PRKCB: variants seen among roughly 807,000 people sequenced by gnomAD.
The protein encoded by PRKCB is protein kinase C beta type.
Under a neutral mutation model 81.5 loss-of-function variants are expected in PRKCB, and 13 were observed. The ratio of observed to expected loss-of-function variants is 0.16; its 90% CI spans 0.10 to 0.25. PRKCB has a LOEUF of 0.25. Among genes scored for constraint, PRKCB ranks in the 10% least tolerant of loss-of-function variants. The pLI is 1.00. For missense variants in PRKCB, 509 were observed against 875.7 expected, an observed-to-expected ratio of 0.58 and a Z score of 5.29; for synonymous variants, 335 against 321.4, an observed-to-expected ratio of 1.04 and a Z score of -0.45.
intron 2 of PRKCB, among the ~76,000 whole-genome samples, chr16:23,884,054 A>T (rs1963162982): frequency 6.6e-6 from 1 of 152,238 alleles, no homozygotes; most frequent in African/African-American, 2.4e-5. Context: ...AACATTTGAT[A>T]TGTATTTTAC....
At chr16:23,884,749 C>A (rs1288045189) in intron 2 of PRKCB, among the ~76,000 whole-genome samples, 1 of 152,104 alleles carries the variant, frequency 6.6e-6, no homozygotes. Context: ...CTGTGTTGCC[C>A]AGACTGGTCT....
intron 9 of PRKCB, among the ~76,000 whole-genome samples, chr16:24,138,576 G>A (rs1340203177): frequency 6.6e-6 from 1 of 151,820 alleles, no homozygotes; most frequent in African/African-American, 2.4e-5. Flanking sequence ...TGGCATTTCT[G>A]TTCTTTTGTG....
intron 2 of PRKCB, among the ~76,000 whole-genome samples, chr16:23,928,489 C>T (rs889371012): frequency 1.3e-5 from 2 of 152,058 alleles, no homozygotes; most frequent in African/African-American, 4.8e-5. Context: ...AGTCGGGGAC[C>T]CTCTGATGAA....
intron 2 of PRKCB, among the ~76,000 whole-genome samples, chr16:23,930,531 C>T (rs981394292): frequency 6.0e-5 from 9 of 151,148 alleles, no homozygotes; most frequent in African/African-American, 2.2e-4. Flanking sequence ...TTCATGCCAC[C>T]ACACTTCAGC....
intron 3 of PRKCB, among the ~76,000 whole-genome samples, chr16:24,010,451 T>G (rs913085593): frequency 1.3e-5 from 2 of 152,138 alleles, no homozygotes; most frequent in Admixed American, 6.5e-5. Context: ...GGACTGTCAG[T>G]GGAAGGTCTC....
intron 10 of PRKCB, among the ~76,000 whole-genome samples, chr16:24,163,369 A>G (rs1319718924): frequency 1.3e-5 from 2 of 152,228 alleles, no homozygotes; most frequent in African/African-American, 4.8e-5. Flanking sequence ...GCTTTAGCCA[A>G]CTAAAGCCAT....
In PRKCB at chr16:24,040,580, G is replaced by A. The variant is rs111550673; in HGVS notation, c.529+5033G>A. Among the ~76,000 whole-genome samples, 35 of 152,240 alleles carry A rather than the reference G, an allele frequency of 2.3e-4. No homozygotes were observed. The East Asian group carries it at 5.2e-3, about 23-fold the overall frequency. On this transcript the variant is annotated intron_variant, in intron 5 of 16. Coordinates refer to ENST00000643927, the MANE Select transcript of PRKCB (RefSeq NM_002738.7). ...CTCCATGAGGGCGGGACTGTGTCTTGCCACTCTACTCCCAGCACCTAGCAA... is the reference window on the plus strand; with the variant it reads ...CTCCATGAGGGCGGGACTGTGTCTTACCACTCTACTCCCAGCACCTAGCAA...
In PRKCB at chr16:23,923,931, C is replaced by G. The variant is rs117468671; in HGVS notation, c.206-64577C>G. Among the ~76,000 whole-genome samples the G allele has an allele frequency of 5.3e-3, 801 of 152,146 alleles. 17 individuals are homozygous for G. The highest frequency in any genetic ancestry group is 0.01 in the Middle Eastern group (3 of 294). ...AGGGAGGAAAATGATTGGCAAGTCT[C>G]GTATTGGTCCTTGAAGCGCTCCCTA... On this transcript the variant is annotated intron_variant, in intron 2 of 16. Transcript: ENST00000643927.
At chr16:24,209,697 C>A (rs1017782019) in intron 16 of PRKCB, among the ~76,000 whole-genome samples, 1 of 152,136 alleles carries the variant, frequency 6.6e-6, no homozygotes, top group Non-Finnish European at 1.5e-5. Flanking sequence ...CTTCAAGCCC[C>A]CATCATTCTT....
intron 5 of PRKCB, among the ~76,000 whole-genome samples, chr16:24,063,620 T>C (rs1965999559): frequency 6.6e-6 from 1 of 150,716 alleles, no homozygotes; most frequent in Non-Finnish European, 1.5e-5. Context: ...CTGGGTTCCA[T>C]TTTTTTTATA....
chr16:24,050,531 G>A (rs1174428382), intron 5 of PRKCB, among the ~76,000 whole-genome samples: 1 of 151,524 alleles, frequency 6.6e-6, no homozygotes. Flanking sequence ...CACACACATT[G>A]CACAAACAAG....
chr16:24,197,361 A>T (rs1967894685), intron 16 of PRKCB, among the ~76,000 whole-genome samples: 1 of 152,064 alleles, frequency 6.6e-6, no homozygotes, highest in African/African-American at 2.4e-5. Flanking sequence ...GGTGGGAGCC[A>T]TGTATATATC....
intron 2 of PRKCB, among the ~76,000 whole-genome samples, chr16:23,954,359 A>G (rs1964323367): frequency 6.6e-6 from 1 of 152,206 alleles, no homozygotes. Context: ...TGTTAGTTTC[A>G]TAAGACATAA....
chr16:24,133,638 C>T (rs567557933), intron 9 of PRKCB, among the ~76,000 whole-genome samples: 5 of 152,342 alleles, frequency 3.3e-5, no homozygotes, highest in South Asian at 2.1e-4. Context: ...TTATCGCCAA[C>T]GTTTCTGAGC....
intron 10 of PRKCB, among the ~76,000 whole-genome samples, chr16:24,168,262 G>A (rs1967377679): frequency 6.6e-6 from 1 of 152,134 alleles, no homozygotes; most frequent in Non-Finnish European, 1.5e-5. Context: ...GCTCAGTGTT[G>A]CAGTTAGTAA....
intron 2 of PRKCB, among the ~76,000 whole-genome samples, chr16:23,966,411 T>C (rs1964487649): frequency 6.6e-6 from 1 of 152,226 alleles, no homozygotes; most frequent in African/African-American, 2.4e-5. Flanking sequence ...TCTTTCTCAG[T>C]GCCTCAGTTT....
At chr16:23,855,434 C>T (rs1962548666) in intron 2 of PRKCB, among the ~76,000 whole-genome samples, 1 of 152,068 alleles carries the variant, frequency 6.6e-6, no homozygotes, top group Admixed American at 6.6e-5. Context: ...CAAACAACAA[C>T]AAAAACCACA....
intron 9 of PRKCB, 124 bp downstream of exon 9, chr16:24,124,105 C>A: frequency 8.8e-7 from 1 of 1,134,172 alleles, no homozygotes; most frequent in Non-Finnish European, 1.3e-6. Flanking sequence ...TAGAGCCACA[C>A]TACACTTTGT....
At chr16:23,904,121 T>C (rs952811278) in intron 2 of PRKCB, among the ~76,000 whole-genome samples, 2 of 152,160 alleles carry the variant, frequency 1.3e-5, no homozygotes, top group African/African-American at 2.4e-5. Flanking sequence ...AGGGCCACGA[T>C]GGCAGGGGGT....
Sources: gnomAD v4.1 joint callset for allele counts (sites outside exome capture counted in the v4.1 genomes callset) on GRCh38, gnomAD v4.1.1 for gene constraint, MANE v1.5 for transcripts, NCBI Gene and HGNC (gene_info 2026-07-23, HGNC 2026-07-21) for gene names.